TPH2: variants seen among roughly 807,000 people sequenced by gnomAD.
TPH2 encodes tryptophan hydroxylase 2.
In TPH2, 27 loss-of-function variants were observed where a neutral mutation model predicts 59.1. That is an observed-to-expected ratio of 0.46 (90% CI 0.34 to 0.63). TPH2 has a LOEUF of 0.63. TPH2 is among the 30% of genes least tolerant of loss of function. The pLI is 0.01. For missense variants in TPH2, 523 were observed against 588.3 expected (o/e 0.89, Z 1.15); for synonymous variants, 220 against 210.5 (o/e 1.05, Z -0.39).
At chr12:71,999,162 T>C (rs1469750746) in intron 8 of TPH2, among the ~76,000 whole-genome samples, 1 of 152,234 alleles carries the variant, frequency 6.6e-6, no homozygotes, top group African/African-American at 2.4e-5. Flanking sequence ...CTAGACTATA[T>C]TGCCTATGGC....
intron 9 of TPH2, among the ~76,000 whole-genome samples, chr12:72,025,395 A>G (rs1873540065): frequency 6.6e-6 from 1 of 152,146 alleles, no homozygotes; most frequent in African/African-American, 2.4e-5. Flanking sequence ...CACATTCTAT[A>G]CTTTGTGCTA....
intron 7 of TPH2, among the ~76,000 whole-genome samples, chr12:71,980,963 T>C (rs1872259410): frequency 6.6e-6 from 1 of 152,214 alleles, no homozygotes; most frequent in African/African-American, 2.4e-5. Flanking sequence ...GTTCACATTC[T>C]GGCAGCAGAG....
At chr12:71,985,966 C>T (rs1222092920) in intron 7 of TPH2, among the ~76,000 whole-genome samples, 1 of 152,208 alleles carries the variant, frequency 6.6e-6, no homozygotes. Context: ...AGCTTATATG[C>T]TAGGCTTTTC....
At chr12:72,021,484 G>T in intron 8 of TPH2, among the ~76,000 whole-genome samples, 1 of 150,788 alleles carries the variant, frequency 6.6e-6, no homozygotes, top group East Asian at 2.0e-4. Flanking sequence ...TGGTGTGAAA[G>T]TGATATGCAT....
chr12:71,964,548 T>C (rs1871763063), intron 5 of TPH2: 14 of 984,562 alleles, frequency 1.4e-5, no homozygotes, highest in Non-Finnish European at 1.7e-5. Flanking sequence ...AGCCATCTTC[T>C]TGAATACTCA....
intron 5 of TPH2, among the ~76,000 whole-genome samples, chr12:71,958,032 T>C (rs528765641): frequency 1.9e-3 from 285 of 152,334 alleles, no homozygotes; most frequent in African/African-American, 6.6e-3. Flanking sequence ...CAACGAGCCC[T>C]TGAGGTAGGT....
In TPH2 at chr12:72,015,034, T is replaced by C. The variant is rs367887127; in HGVS notation, c.1069-7365T>C. 5.8e-4 allele frequency among the ~76,000 whole-genome samples: 89 copies of C among 152,304 alleles called. No individual in the cohort carries two copies. The South Asian group carries it at 0.011, about 18-fold the overall frequency. ...TTCAGTACTATTGTCATTTGCAATT[T>C]AATCAAGATTAAGGAATCTTGGCTA... On this transcript the variant is annotated intron_variant, in intron 8 of 10. Transcript: ENST00000333850.
chr12:71,958,892 C>G (rs1423123009), intron 5 of TPH2, among the ~76,000 whole-genome samples: 1 of 152,172 alleles, frequency 6.6e-6, no homozygotes, highest in African/African-American at 2.4e-5. Context: ...ACAGCTCCAA[C>G]AGAGGACTAG....
At chr12:71,996,783 A>T (rs140897341) in intron 8 of TPH2, among the ~76,000 whole-genome samples, 5 of 152,320 alleles carry the variant, frequency 3.3e-5, no homozygotes, top group African/African-American at 1.2e-4. Flanking sequence ...GAGTGCAGTT[A>T]GTCCTTTTTC....
At chr12:71,953,396 A>C (rs565931938) in intron 5 of TPH2, among the ~76,000 whole-genome samples, 1 of 152,100 alleles carries the variant, frequency 6.6e-6, no homozygotes, top group African/African-American at 2.4e-5. Context: ...CCTGTGTGTC[A>C]CTTTTGGGCT....
chr12:71,994,413 C>A, intron 7 of TPH2, 26 bp from the exon 8 acceptor site: 1 of 1,613,058 alleles, frequency 6.2e-7, no homozygotes, highest in Non-Finnish European at 8.5e-7. Context: ...TTATTTAACA[C>A]GTCTTTGTGA....
chr12:72,014,131 T>A (rs533867455), intron 8 of TPH2, among the ~76,000 whole-genome samples: 121 of 152,240 alleles, frequency 7.9e-4, no homozygotes, highest in African/African-American at 2.8e-3. Context: ...TGGCTTCCTA[T>A]TGCCAAAGGG....
intron 5 of TPH2, among the ~76,000 whole-genome samples, chr12:71,959,945 C>T (rs1429853190): frequency 1.3e-5 from 2 of 152,112 alleles, no homozygotes; most frequent in Admixed American, 6.5e-5. Flanking sequence ...TGAGAAGAGG[C>T]ACCTTAGAAG....
At chr12:71,956,013 C>G (rs1218900661) in intron 5 of TPH2, among the ~76,000 whole-genome samples, 2 of 152,204 alleles carry the variant, frequency 1.3e-5, no homozygotes, top group Non-Finnish European at 2.9e-5. Flanking sequence ...ATAAAGCAAA[C>G]TGTTGACCAG....
intron 7 of TPH2, among the ~76,000 whole-genome samples, chr12:71,982,725 GT>G (rs1274626328): frequency 6.6e-6 from 1 of 152,198 alleles, no homozygotes; most frequent in Admixed American, 6.5e-5. Flanking sequence ...CTTGTACTGT[GT>G]TTCCAAATAA....
intron 4 of TPH2, among the ~76,000 whole-genome samples, chr12:71,945,347 C>A (rs1200404146): frequency 6.6e-6 from 1 of 152,096 alleles, no homozygotes; most frequent in Non-Finnish European, 1.5e-5. Context: ...ACACAAGAGA[C>A]CTGGAACTTC....
rs1566115406 is a variant in TPH2 at position 71,949,645 on chromosome 12, G to T, written c.598G>T (p.Gly200Cys). 2 of 1,612,620 alleles carry T rather than the reference G, an allele frequency of 1.2e-6. No individual in the cohort carries two copies. Residue 200 changes from glycine (G) to cysteine (C), a missense_variant, in exon 5 of 11, where the codon GGT (glycine) becomes TGT (cysteine). Gly to Cys is a radical substitution (Grantham distance 159). Transcript: ENST00000333850. ...AAAGTATTTTGTGGATGTGGCCATG[G>T]GTTATAAATAGTAAGTACCTGTATA... ...RRKYFVDVAM[G>C]YKYGQPIPRV...
chr12:71,941,036 T>C (rs552560763), intron 1 of TPH2, among the ~76,000 whole-genome samples: 1 of 152,212 alleles, frequency 6.6e-6, no homozygotes, highest in Admixed American at 6.5e-5. Flanking sequence ...AGATTCACAT[T>C]GACAATGTGG....
intron 8 of TPH2, among the ~76,000 whole-genome samples, chr12:72,009,851 G>A (rs1873053737): frequency 1.3e-5 from 2 of 152,174 alleles, no homozygotes; most frequent in East Asian, 1.9e-4. Flanking sequence ...GGCCTGTAAT[G>A]TTCAGTCACT....
Sources: gnomAD v4.1 joint callset for allele counts (sites outside exome capture counted in the v4.1 genomes callset) on GRCh38, gnomAD v4.1.1 for gene constraint, MANE v1.5 for transcripts, NCBI Gene and HGNC (gene_info 2026-07-23, HGNC 2026-07-21) for gene names.